Variants in TNFAIP8L1 observed in about 807,000 individuals in gnomAD.
TNFAIP8L1 encodes TNF alpha induced protein 8 like 1, also known as tumor necrosis factor alpha-induced protein 8-like protein 1.
For missense variants in TNFAIP8L1, 225 were observed against 266.1 expected, an observed-to-expected ratio of 0.85 and a Z score of 1.08; for synonymous variants, 127 against 125.6, an observed-to-expected ratio of 1.01 and a Z score of -0.08.
chr19:4,651,963 G>C lies in TNFAIP8L1; in HGVS notation c.94G>C (p.Asp32His). The change falls in exon 2 of 2, where the codon GAT becomes CAT. Residue 32 changes from aspartate to histidine, a missense_variant. Coordinates refer to ENST00000327473, the MANE Select transcript of TNFAIP8L1 (RefSeq NM_152362.3). ...ASKAVVAVLV[D>H]DTSSEVLDEL... ...CAAGGCAGTGGTGGCCGTGCTGGTG[G>C]ATGACACCAGCAGTGAGGTGCTGGA... The C allele has an allele frequency of 6.2e-7, 1 of 1,614,086 alleles. No homozygotes were observed. Among genetic ancestry groups the C allele is most frequent in the Non-Finnish European group, 8.5e-7 (1 of 1,179,972 alleles).
At position 4,652,486 on chromosome 19, in the gene TNFAIP8L1, G is replaced by C. The variant is rs776403010; in HGVS notation, c.*56G>C. 2.6e-5 allele frequency: 38 copies of C among 1,438,890 alleles called. No individual in the cohort carries two copies. Among genetic ancestry groups the C allele is most frequent in the Middle Eastern group, 2.2e-4 (1 of 4,580 alleles). 89.1% of individuals were successfully genotyped at this position (1,438,890 alleles called of 1,614,324 possible). A position where few individuals can be genotyped will look rare whatever the true frequency, so the allele number is the denominator to read the frequency against. Reference sequence around the variant, plus strand: ...GCCTTTTGGGGCTCTCCTGCTGGGCGCGGGTGGGGTTTGTGGGTTTTTTTC... The same window carrying C: ...GCCTTTTGGGGCTCTCCTGCTGGGCCCGGGTGGGGTTTGTGGGTTTTTTTC... On this transcript the variant is annotated 3_prime_UTR_variant, in exon 2 of 2. Coordinates refer to ENST00000327473, the MANE Select transcript of TNFAIP8L1 (RefSeq NM_152362.3).
chr19:4,644,281 T>C (rs1056436103), intron 1 of TNFAIP8L1, among the ~76,000 whole-genome samples: 1 of 151,410 alleles, frequency 6.6e-6, no homozygotes, highest in African/African-American at 2.4e-5. Context: ...AGCTCACGCC[T>C]GCAATCCCAG....
chr19:4,642,923 G>A (rs2088275582), intron 1 of TNFAIP8L1, among the ~76,000 whole-genome samples: 1 of 152,098 alleles, frequency 6.6e-6, no homozygotes, highest in African/African-American at 2.4e-5. Context: ...ACAGACGGGG[G>A]GCATGGGGAT....
rs547102769 is a variant in TNFAIP8L1, at chr19:4,647,105, T to C, written c.-3-4762T>C. On this transcript the variant is annotated intron_variant, in intron 1 of 1. Coordinates refer to ENST00000327473, the MANE Select transcript of TNFAIP8L1 (RefSeq NM_152362.3). ...GGACCGATCTCATTTTGTTTATTCA[T>C]TCACCCATTAATGGACATACGGACA... Among the ~76,000 whole-genome samples, 3 of 152,344 alleles carry C rather than the reference T, an allele frequency of 2.0e-5. No individual in the cohort carries two copies. In the East Asian group the frequency reaches 5.8e-4, roughly 29 times the overall value.
rs2088303313 is a variant in TNFAIP8L1 at position 4,645,620 on chromosome 19, G to T, written c.-4+5991G>T. Among the ~76,000 whole-genome samples the T allele has an allele frequency of 6.7e-6, 1 of 149,206 alleles. No individual in the cohort carries two copies. Among genetic ancestry groups the T allele is most frequent in the Admixed American group, 6.8e-5 (1 of 14,782 alleles). ...ACATACATACATACATAAACTTATA[G>T]TTAAATAAAGTACATTTAAGCCAGG... On this transcript the variant is annotated intron_variant, in intron 1 of 1. Transcript: ENST00000327473. This position sits in a 1 kb window ranked among gnomAD's most constrained non-coding sequence, Gnocchi z 4.1.
At chr19:4,643,203 C>T (rs1047004923) in intron 1 of TNFAIP8L1, among the ~76,000 whole-genome samples, 1 of 151,264 alleles carries the variant, frequency 6.6e-6, no homozygotes, top group African/African-American at 2.4e-5. Flanking sequence ...CACCTGAACC[C>T]AGGAGGCGGA....
chr19:4,648,194 C>G (rs927607402), intron 1 of TNFAIP8L1, among the ~76,000 whole-genome samples: 9 of 152,232 alleles, frequency 5.9e-5, no homozygotes, highest in African/African-American at 2.2e-4. Flanking sequence ...GGTGTTAACA[C>G]CTGAATCCCA....
At chr19:4,649,679 G>A (rs1349315099) in intron 1 of TNFAIP8L1, among the ~76,000 whole-genome samples, 2 of 152,234 alleles carry the variant, frequency 1.3e-5, no homozygotes, top group South Asian at 2.1e-4. Context: ...CAGGCAACCT[G>A]CCTAGTACAT....
intron 1 of TNFAIP8L1, among the ~76,000 whole-genome samples, chr19:4,646,283 C>T (rs944422823): frequency 1.4e-4 from 21 of 150,626 alleles, no homozygotes; most frequent in Non-Finnish European, 1.2e-4. Flanking sequence ...CCACCACGCC[C>T]GGCCGACTTT....
intron 1 of TNFAIP8L1, 114 bp from the exon 2 acceptor site, chr19:4,651,753 C>A: frequency 8.0e-7 from 1 of 1,252,110 alleles, no homozygotes; most frequent in Non-Finnish European, 1.1e-6. Flanking sequence ...CGGCATGACA[C>A]TTTTTAAAGA....
rs2088306808 is a variant in TNFAIP8L1 at position 4,645,981 on chromosome 19, A to G, written c.-3-5886A>G. 6.6e-6 allele frequency among the ~76,000 whole-genome samples: 1 copy of G among 152,132 alleles called. No individual in the cohort carries two copies. The highest frequency in any genetic ancestry group is 1.5e-5 in the Non-Finnish European group (1 of 68,006). ...CCCTTTGCCTGGAGCATCTTCCCGC[A>G]GACCCTGTCATTGCAGGCCCAGTTC... On this transcript the variant is annotated intron_variant, in intron 1 of 1. Transcript: ENST00000327473. The surrounding 1 kb of genome is among the most constrained non-coding windows in gnomAD (Gnocchi z 4.1).
rs532320919 is a variant in TNFAIP8L1, at chr19:4,652,528, A to T, written c.*98A>T. 8.1e-7 allele frequency: 1 copy of T among 1,242,118 alleles called. No individual in the cohort carries two copies. Among genetic ancestry groups the T allele is most frequent in the African/African-American group, 1.5e-5 (1 of 64,564 alleles). 76.9% of individuals were successfully genotyped at this position (1,242,118 alleles called of 1,614,324 possible). A position where few individuals can be genotyped will look rare whatever the true frequency, so the allele number is the denominator to read the frequency against. On this transcript the variant is annotated 3_prime_UTR_variant, in exon 2 of 2. Transcript: ENST00000327473. ...GTTTTTTTCCACCTCTTTTCTCCCA[A>T]TCGGACTCCGGCCAAACTCCCCTAG...
rs771655336 is a variant in TNFAIP8L1 at position 4,651,892 on chromosome 19, G to A, written c.23G>A (p.Ser8Asn). The A allele has an allele frequency of 1.9e-6, 3 of 1,608,500 alleles. No homozygotes were observed. The African/African-American group carries it at 4.0e-5, about 21-fold the overall frequency. The change falls in exon 2 of 2, where the codon AGC becomes AAC. Residue 8 changes from serine to asparagine, a missense_variant. Physicochemically the swap from Ser to Asn is conservative, Grantham distance 46 (BLOSUM62 1). Coordinates refer to ENST00000327473, the MANE Select transcript of TNFAIP8L1 (RefSeq NM_152362.3). MDTFSTK[S>N]LALQAQKKLL... ...GCCATGGACACCTTCAGCACCAAGA[G>A]CCTGGCTCTGCAGGCGCAGAAGAAG... is the stretch of plus-strand genomic sequence containing the variant.
At chr19:4,651,571 G>A (rs2088364688) in intron 1 of TNFAIP8L1, among the ~76,000 whole-genome samples, 1 of 151,528 alleles carries the variant, frequency 6.6e-6, no homozygotes, top group African/African-American at 2.4e-5. Flanking sequence ...CAAGTAGCGG[G>A]GATTGCGGGC....
Position 4,652,056 on chromosome 19 carries a change from C to G in TNFAIP8L1, c.187C>G (p.Leu63Val). 7 of 1,612,778 alleles carry G rather than the reference C, an allele frequency of 4.3e-6. No individual in the cohort carries two copies. Among genetic ancestry groups the G allele is most frequent in the Non-Finnish European group, 5.9e-6 (7 of 1,179,392 alleles). Reference sequence around the variant, plus strand: ...GGAGGCCCAGAAGATGCTCAAGAACCTGGTCAAGGTGGCCCTGAAGCTGGG... The same window carrying G: ...GGAGGCCCAGAAGATGCTCAAGAACGTGGTCAAGGTGGCCCTGAAGCTGGG... ...RKEAQKMLKN[L>V]VKVALKLGLL... The change falls in exon 2 of 2, where the codon CTG becomes GTG. Residue 63 changes from leucine (L) to valine (V), a missense_variant. Physicochemically the swap from Leu to Val is conservative, Grantham distance 32 (BLOSUM62 1). Coordinates refer to ENST00000327473, the MANE Select transcript of TNFAIP8L1 (RefSeq NM_152362.3).
chr19:4,648,781 C>T (rs1384951779), intron 1 of TNFAIP8L1, among the ~76,000 whole-genome samples: 2 of 152,186 alleles, frequency 1.3e-5, no homozygotes, highest in Non-Finnish European at 1.5e-5. Flanking sequence ...ATGTGGGCTC[C>T]AGGGCCGATG....
intron 1 of TNFAIP8L1, among the ~76,000 whole-genome samples, chr19:4,650,004 G>C (rs981543826): frequency 1.3e-5 from 2 of 152,238 alleles, no homozygotes; most frequent in Admixed American, 1.3e-4. Flanking sequence ...GGCTGAGCAG[G>C]GTCTGGGGCA....
intron 1 of TNFAIP8L1, among the ~76,000 whole-genome samples, chr19:4,644,605 ATTTT>A (rs553560316): frequency 5.6e-5 from 5 of 88,734 alleles, no homozygotes; most frequent in African/African-American, 1.9e-4. Flanking sequence ...TGAGTCATGG[ATTTT>A]TTTTTTTTTT....
chr19:4,646,691 C>T (rs951921616), intron 1 of TNFAIP8L1, among the ~76,000 whole-genome samples: 15 of 150,970 alleles, frequency 9.9e-5, no homozygotes, highest in Non-Finnish European at 1.3e-4. Flanking sequence ...AGTACAGTGA[C>T]GTGATCTTGG....
Sources: gnomAD v4.1 joint callset for allele counts (sites outside exome capture counted in the v4.1 genomes callset) on GRCh38, gnomAD v4.1.1 for gene constraint, Gnocchi (gnomAD v3.1) non-coding constraint, MANE v1.5 for transcripts, NCBI Gene and HGNC (gene_info 2026-07-23, HGNC 2026-07-21) for gene names.